DLG2: variants seen among roughly 807,000 people sequenced by gnomAD.
DLG2 encodes discs large MAGUK scaffold protein 2, also known as disks large homolog 2.
DLG2 carries 45 observed loss-of-function variants against 132.5 expected under a neutral mutation model. The observed-to-expected ratio is 0.34, with a 90% CI of 0.27 to 0.44. The LOEUF (loss-of-function observed/expected upper bound fraction) is 0.44, where lower values mean the gene tolerates loss of function less well. Ranked by LOEUF, DLG2 falls within the 20% of genes least tolerant of loss-of-function variation. DLG2 has a pLI of 1.00. For missense variants in DLG2, 1,045 were observed against 1,196.9 expected (o/e 0.87, Z 1.87); for synonymous variants, 424 against 419.6 (o/e 1.01, Z -0.13).
intron 6 of DLG2, among the ~76,000 whole-genome samples, chr11:84,584,467 CT>C: frequency 6.6e-6 from 1 of 151,808 alleles, no homozygotes; most frequent in South Asian, 2.1e-4. Context: ...CAGCCTCAGG[CT>C]CCCAAGTAAC....
chr11:85,253,313 T>C (rs1266036727), intron 4 of DLG2, among the ~76,000 whole-genome samples: 1 of 152,214 alleles, frequency 6.6e-6, no homozygotes, highest in Non-Finnish European at 1.5e-5. Context: ...AGGCAAGTTA[T>C]GATGGTACTA....
At chr11:84,790,773 G>C (rs1185824516) in intron 6 of DLG2, among the ~76,000 whole-genome samples, 1 of 152,292 alleles carries the variant, frequency 6.6e-6, no homozygotes, top group East Asian at 1.9e-4. Context: ...TACGATGAGA[G>C]ACAGTAGTCT....
At chr11:83,831,636 T>A (rs1247607101) in intron 17 of DLG2, among the ~76,000 whole-genome samples, 1 of 152,142 alleles carries the variant, frequency 6.6e-6, no homozygotes, top group Non-Finnish European at 1.5e-5. Context: ...ATTCTATTTA[T>A]AAATCACAGC....
intron 8 of DLG2, among the ~76,000 whole-genome samples, chr11:84,168,671 G>C (rs1566791853): frequency 6.6e-6 from 1 of 152,106 alleles, no homozygotes; most frequent in Non-Finnish European, 1.5e-5. Flanking sequence ...AGAAGACCTT[G>C]GTTGCTAATG....
intron 6 of DLG2, among the ~76,000 whole-genome samples, chr11:85,024,961 T>C (rs1006775981): frequency 1.2e-4 from 19 of 152,308 alleles, no homozygotes; most frequent in Non-Finnish European, 8.8e-5. Flanking sequence ...ATTCCATTGA[T>C]TGGCAAAATA....
chr11:83,739,148 GA>G (rs2092289447), intron 18 of DLG2, among the ~76,000 whole-genome samples: 1 of 151,990 alleles, frequency 6.6e-6, no homozygotes, highest in Non-Finnish European at 1.5e-5. Flanking sequence ...TGAATTCTAT[GA>G]TTCAAATTAT....
Position 84,601,369 on chromosome 11 carries a change from T to C in DLG2, c.358-66638A>G, listed in dbSNP as rs2099576240. On this transcript the variant is annotated intron_variant, in intron 6 of 27. Transcript: ENST00000376104. ...AAAATACCCGTGGAAACTACAATTG[T>C]GAGAAAAATTAGTACATTTTCTGGA... Among the ~76,000 whole-genome samples, 6 of 152,180 alleles carry C rather than the reference T, an allele frequency of 3.9e-5. No homozygotes were observed. The South Asian group carries it at 1.2e-3, about 31-fold the overall frequency.
In DLG2 at chr11:85,483,996, T is replaced by C. The variant is rs558274721; in HGVS notation, c.40+114661A>G. ...CGGGTCTTCCAGGAGTCGGGTTGCT[T>C]GGGAATGCAGCCCAAAGCGGGTGGT... is the stretch of plus-strand genomic sequence containing the variant. On this transcript the variant is annotated intron_variant, in intron 3 of 27. Transcript: ENST00000376104. Among the ~76,000 whole-genome samples the C allele has an allele frequency of 3.3e-5, 5 of 152,136 alleles. No individual in the cohort carries two copies. In the East Asian group the frequency reaches 7.7e-4, roughly 24 times the overall value.
chr11:83,474,052 G>C (rs1038161978), intron 22 of DLG2, among the ~76,000 whole-genome samples: 1 of 152,124 alleles, frequency 6.6e-6, no homozygotes, highest in Admixed American at 6.6e-5. Context: ...AGGAGGGCCT[G>C]GGCTCAGAAT....
At chr11:84,898,709 A>G in intron 6 of DLG2, among the ~76,000 whole-genome samples, 1 of 151,906 alleles carries the variant, frequency 6.6e-6, no homozygotes, top group Admixed American at 6.6e-5. Context: ...ACTACATGGC[A>G]TACCCTCTTC....
chr11:83,873,691 C>A (rs2063942636), intron 16 of DLG2, among the ~76,000 whole-genome samples: 1 of 152,136 alleles, frequency 6.6e-6, no homozygotes, highest in Non-Finnish European at 1.5e-5. Context: ...GAGCCTGGCA[C>A]CAATAAGCAC....
intron 18 of DLG2, among the ~76,000 whole-genome samples, chr11:83,712,760 A>T (rs887603951): frequency 3.3e-5 from 5 of 152,184 alleles, no homozygotes; most frequent in African/African-American, 1.2e-4. Context: ...GAGCTGAATG[A>T]TGAGAATACA....
intron 5 of DLG2, among the ~76,000 whole-genome samples, chr11:85,134,990 T>C (rs1043115077): frequency 6.6e-6 from 1 of 152,224 alleles, no homozygotes; most frequent in Non-Finnish European, 1.5e-5. Context: ...GGTTCAGTAA[T>C]TTGAAAAGGT....
intron 6 of DLG2, among the ~76,000 whole-genome samples, chr11:85,004,167 G>A (rs888754479): frequency 6.6e-6 from 1 of 151,918 alleles, no homozygotes; most frequent in Non-Finnish European, 1.5e-5. Flanking sequence ...TACGAACACT[G>A]GGCAATAAAC....
chr11:84,613,378 T>A (rs1177286490), intron 6 of DLG2, among the ~76,000 whole-genome samples: 1 of 152,118 alleles, frequency 6.6e-6, no homozygotes, highest in Non-Finnish European at 1.5e-5. Context: ...CAGACTAGGT[T>A]AGCAGATACA....
chr11:83,962,667 T>G lies in DLG2; in HGVS notation c.1340+218A>C, dbSNP rs79354879. Among the ~76,000 whole-genome samples the G allele has an allele frequency of 1.5e-4, 23 of 152,182 alleles. 1 individual carries two copies. The East Asian group carries it at 4.4e-3, about 29-fold the overall frequency. ...TCTTAATAAATGGCAAAGTGATGTA[T>G]AAGTGTATCTTACTATTTATTCACA... On this transcript the variant is annotated intron_variant, in intron 14 of 27. Coordinates refer to ENST00000376104, the MANE Select transcript of DLG2 (RefSeq NM_001142699.3).
chr11:84,230,364 G>A (rs1213429227), intron 8 of DLG2, among the ~76,000 whole-genome samples: 4 of 152,080 alleles, frequency 2.6e-5, no homozygotes, highest in Non-Finnish European at 5.9e-5. Flanking sequence ...ACTCCATGAG[G>A]GAGGGGCAAT....
At chr11:84,857,607 T>C (rs2082963223) in intron 6 of DLG2, among the ~76,000 whole-genome samples, 1 of 152,150 alleles carries the variant, frequency 6.6e-6, no homozygotes, top group South Asian at 2.1e-4. Context: ...CTTTTAACAC[T>C]AAATTGGTAT....
At chr11:84,420,316 T>C (rs546956109) in intron 7 of DLG2, among the ~76,000 whole-genome samples, 2 of 152,294 alleles carry the variant, frequency 1.3e-5, no homozygotes, top group South Asian at 4.1e-4. Flanking sequence ...TAACCAACTC[T>C]GTGAAGAGAC....
Sources: allele counts gnomAD v4.1 joint callset (sites outside exome capture counted in the v4.1 genomes callset), GRCh38; gene constraint gnomAD v4.1.1; transcripts MANE v1.5; gene names NCBI Gene and HGNC (gene_info 2026-07-23, HGNC 2026-07-21).